The following VWA2 variants were observed in gnomAD, a reference collection of about 807,000 sequenced individuals.
VWA2 encodes the protein von Willebrand factor A domain containing 2.
VWA2 carries 73 observed loss-of-function variants against 70.4 expected under a neutral mutation model. The ratio of observed to expected loss-of-function variants is 1.04; its 90% CI spans 0.86 to 1.26. The LOEUF is 1.26. Among genes scored for constraint, VWA2 ranks in the 50% most tolerant of loss-of-function variants. The probability of loss-of-function intolerance (pLI) is 0.00; values close to 1 mark genes in which losing one functional copy is unlikely to be tolerated. For synonymous variants in VWA2, 407 were observed against 423.3 expected (o/e 0.96, Z 0.47); for missense variants, 1,011 against 998.5 (o/e 1.01, Z -0.17).
chr10:114,280,548 G>A (rs1254164555), intron 8 of VWA2, among the ~76,000 whole-genome samples: 1 of 152,130 alleles, frequency 6.6e-6, no homozygotes, highest in Non-Finnish European at 1.5e-5. Flanking sequence ...CAAACTGTGT[G>A]CAGGTCCCTG....
intron 6 of VWA2, among the ~76,000 whole-genome samples, chr10:114,275,408 C>T (rs1050156331): frequency 1.3e-5 from 2 of 152,208 alleles, no homozygotes; most frequent in African/African-American, 2.4e-5. Flanking sequence ...TGGCCCTCTG[C>T]CCGCCGTTTC....
At chr10:114,287,830 A>G (rs938659392) in intron 11 of VWA2, among the ~76,000 whole-genome samples, 1 of 152,194 alleles carries the variant, frequency 6.6e-6, no homozygotes. Context: ...ATGAACCAGT[A>G]TTGATACATC....
intron 13 of VWA2, 147 bp downstream of exon 13, chr10:114,290,512 A>G: frequency 8.9e-7 from 1 of 1,119,364 alleles, no homozygotes; most frequent in Non-Finnish European, 1.3e-6. Context: ...ACATTTAGTG[A>G]GTACCTCCTG....
At chr10:114,272,701 A>G in intron 5 of VWA2, 39 bp from the exon 6 acceptor site, 1 of 1,507,886 alleles carries the variant, frequency 6.6e-7, no homozygotes, top group Non-Finnish European at 8.9e-7. Context: ...TCCCCACATC[A>G]TTCACTTTTC....
intron 4 of VWA2, among the ~76,000 whole-genome samples, chr10:114,257,150 G>C (rs1361021065): frequency 6.6e-6 from 1 of 152,010 alleles, no homozygotes; most frequent in Non-Finnish European, 1.5e-5. Context: ...CTGGACCTTA[G>C]ACCACCTTGC....
At chr10:114,257,514 AG>A (rs1332527939) in intron 4 of VWA2, among the ~76,000 whole-genome samples, 7 of 152,174 alleles carry the variant, frequency 4.6e-5, no homozygotes, top group Non-Finnish European at 7.3e-5. Flanking sequence ...ACAGGCTCAG[AG>A]AGGCTAAGTG....
At chr10:114,264,722 T>G (rs2037524915) in intron 5 of VWA2, among the ~76,000 whole-genome samples, 1 of 150,486 alleles carries the variant, frequency 6.6e-6, no homozygotes, top group Admixed American at 6.6e-5. Flanking sequence ...CTCGGCCAAC[T>G]TTTTTTTCTT....
intron 1 of VWA2, among the ~76,000 whole-genome samples, chr10:114,240,385 G>A (rs2036954705): frequency 6.6e-6 from 1 of 152,232 alleles, no homozygotes; most frequent in Non-Finnish European, 1.5e-5. Flanking sequence ...AGACAGAAGA[G>A]AAGGGAGGAG....
At chr10:114,245,619 T>A (rs75663679) in intron 1 of VWA2, among the ~76,000 whole-genome samples, 1 of 151,588 alleles carries the variant, frequency 6.6e-6, no homozygotes, top group Non-Finnish European at 1.5e-5. Context: ...AAAAAAAAAA[T>A]GTCCTTAGGG....
chr10:114,278,862 G>C lies in VWA2; in HGVS notation c.833+11G>C. On this transcript the variant is annotated intron_variant, in intron 8 of 13. Transcript: ENST00000392982. ...CTGTCCCTTCTACAGGTTTGTCTGC[G>C]CGGTCTGGGCTCGGCCTGGGTGGAG... 6.2e-7 allele frequency: 1 copy of C among 1,612,302 alleles called. No homozygotes were observed. The highest frequency in any genetic ancestry group is 1.1e-5 in the South Asian group (1 of 90,998).
At chr10:114,278,682 T>C (rs759976715) in intron 7 of VWA2, 37 bp from the exon 8 acceptor site, 4 of 1,608,578 alleles carry the variant, frequency 2.5e-6, no homozygotes, top group Non-Finnish European at 3.4e-6. Flanking sequence ...TGGAACCCTG[T>C]CTCCTCCGTG....
chr10:114,278,699 G>A lies in VWA2; in HGVS notation c.701-20G>A. On this transcript the variant is annotated intron_variant, in intron 7 of 13. Coordinates refer to ENST00000392982, the MANE Select transcript of VWA2 (RefSeq NM_001272046.2). The stretch of plus-strand genomic sequence containing the variant: ...GAACCCTGTCTCCTCCGTGGGTGTG[G>A]GTGTGTGTTGTGGACACAGACTGCA... The A allele has an allele frequency of 6.2e-7, 1 of 1,613,584 alleles. No individual in the cohort carries two copies. The highest frequency in any genetic ancestry group is 8.5e-7 in the Non-Finnish European group (1 of 1,179,826).
intron 8 of VWA2, chr10:114,280,902 C>A (rs1481590930): frequency 6.6e-6 from 1 of 152,062 alleles, no homozygotes; most frequent in Non-Finnish European, 1.5e-5. Flanking sequence ...CCGTGGCCGG[C>A]TAATTTTTAA....
At chr10:114,255,186 G>A in intron 4 of VWA2, 138 bp downstream of exon 4, 2 of 1,072,762 alleles carry the variant, frequency 1.9e-6, no homozygotes, top group Non-Finnish European at 2.7e-6. Context: ...TTCCTGGCAT[G>A]GTGGGATCCA....
In VWA2 at chr10:114,293,253, A is replaced by G. The variant is rs1287066108; in HGVS notation, c.*2016A>G. Reference sequence around the variant, plus strand: ...AGAAGACAACGTCCGGGGCAGGATCACATGCTCCCTAGCAGATGCTGATCA... The same window carrying G: ...AGAAGACAACGTCCGGGGCAGGATCGCATGCTCCCTAGCAGATGCTGATCA... On this transcript the variant is annotated 3_prime_UTR_variant, in exon 14 of 14. Transcript: ENST00000392982. Among the ~76,000 whole-genome samples the G allele has an allele frequency of 2.0e-5, 3 of 152,262 alleles. No individual in the cohort carries two copies. Among genetic ancestry groups the G allele is most frequent in the Admixed American group, 6.5e-5 (1 of 15,286 alleles).
At chr10:114,267,709 T>G (rs1459914919) in intron 5 of VWA2, among the ~76,000 whole-genome samples, 1 of 152,128 alleles carries the variant, frequency 6.6e-6, no homozygotes, top group Non-Finnish European at 1.5e-5. Flanking sequence ...TCCAAAGTGC[T>G]GAGATTACAG....
At chr10:114,270,361 G>T (rs561473585) in intron 5 of VWA2, among the ~76,000 whole-genome samples, 2 of 152,158 alleles carry the variant, frequency 1.3e-5, no homozygotes, top group Non-Finnish European at 2.9e-5. Context: ...GAGCTGTGGC[G>T]AGAATTATAT....
chr10:114,264,593 G>C (rs898295531), intron 5 of VWA2, among the ~76,000 whole-genome samples: 3 of 151,448 alleles, frequency 2.0e-5, no homozygotes, highest in Non-Finnish European at 4.4e-5. Context: ...AATTTTTTTT[G>C]TATTTTTAGT....
intron 9 of VWA2, among the ~76,000 whole-genome samples, chr10:114,283,804 C>A (rs941990852): frequency 6.6e-5 from 10 of 152,258 alleles, no homozygotes; most frequent in Admixed American, 1.3e-4. Flanking sequence ...GCTATTTCCA[C>A]AGTCTTCTGG....
Sources: allele counts gnomAD v4.1 joint callset (sites outside exome capture counted in the v4.1 genomes callset), GRCh38; gene constraint gnomAD v4.1.1; transcripts MANE v1.5; gene names NCBI Gene and HGNC (gene_info 2026-07-23, HGNC 2026-07-21).